The following PTGER3 variants were observed in gnomAD, a reference collection of about 807,000 sequenced individuals.
PTGER3 encodes prostaglandin E receptor 3.
Under a neutral mutation model 34.7 loss-of-function variants are expected in PTGER3, and 22 were observed. The observed-to-expected ratio is 0.63, with a 90% CI of 0.45 to 0.91. The LOEUF (loss-of-function observed/expected upper bound fraction) is 0.91. Ranked by LOEUF, PTGER3 falls within the 40% of genes least tolerant of loss-of-function variation. PTGER3 has a pLI of 0.00. For missense variants in PTGER3, 468 were observed against 519.4 expected, an observed-to-expected ratio of 0.90 and a Z score of 0.96; for synonymous variants, 241 against 230.1, an observed-to-expected ratio of 1.05 and a Z score of -0.43.
At chr1:71,000,295 CCA>C (rs1183700820) in intron 2 of PTGER3, among the ~76,000 whole-genome samples, 4 of 152,198 alleles carry the variant, frequency 2.6e-5, no homozygotes, top group Non-Finnish European at 4.4e-5. Context: ...TCCACAAACC[CCA>C]GTTTCCTTAT....
chr1:71,015,495 T>C (rs1014435994), intron 1 of PTGER3, among the ~76,000 whole-genome samples: 2 of 152,220 alleles, frequency 1.3e-5, no homozygotes, highest in East Asian at 3.8e-4. Flanking sequence ...GTTGGCAAAA[T>C]TGACTACTAT....
At chr1:70,917,913 T>C (rs1001708866) in intron 4 of PTGER3, among the ~76,000 whole-genome samples, 4 of 152,110 alleles carry the variant, frequency 2.6e-5, no homozygotes, top group Admixed American at 6.6e-5. Context: ...TCTTTTGCTA[T>C]TGAGTTATTT....
intron 2 of PTGER3, chr1:71,008,111 GT>G: frequency 8.2e-6 from 8 of 980,552 alleles, no homozygotes; most frequent in Non-Finnish European, 9.7e-6. Context: ...AATTATGTCT[GT>G]TACTTTCTTT....
intron 4 of PTGER3, among the ~76,000 whole-genome samples, chr1:70,924,205 G>C (rs1469252336): frequency 6.6e-6 from 1 of 152,146 alleles, no homozygotes; most frequent in Non-Finnish European, 1.5e-5. Context: ...CTATGGAACA[G>C]AGTTCCATTG....
intron 4 of PTGER3, chr1:70,865,690 A>G: frequency 7.3e-7 from 1 of 1,366,356 alleles, no homozygotes; most frequent in Middle Eastern, 2.2e-4. Flanking sequence ...TTTACTTACT[A>G]AGAAGTTTGA....
At chr1:70,970,681 A>G, downstream of PTGER3, 1 of 219,968 alleles carries the variant, frequency 4.5e-6, no homozygotes, top group Non-Finnish European at 7.7e-6. Flanking sequence ...GACAGAAGAA[A>G]GGGAGGAAGA....
intron 4 of PTGER3, among the ~76,000 whole-genome samples, chr1:70,902,149 A>G (rs908122521): frequency 6.6e-6 from 1 of 152,238 alleles, no homozygotes; most frequent in Admixed American, 6.5e-5. Context: ...AAAAATAACA[A>G]TAATTACTGC....
Position 71,047,317 on chromosome 1 carries a change from G to A in PTGER3, c.261C>T (p.Ser87=). The A allele has an allele frequency of 1.2e-6, 2 of 1,606,258 alleles. No homozygotes were observed. The highest frequency in any genetic ancestry group is 2.2e-5 in the South Asian group (2 of 89,508). ...YRRRESKRKK[S]FLLCIGWLAL... ...CCAGCCAGCCGATGCACAGCAGGAA[G>A]GACTTCTTGCGCTTGCTCTCCCGGC... The change falls in exon 1 of 4, where the codon TCC becomes TCT. Residue 87 remains serine, a synonymous_variant. Transcript: ENST00000306666.
chr1:70,933,866 A>G (rs1254983572), intron 4 of PTGER3, among the ~76,000 whole-genome samples: 1 of 152,112 alleles, frequency 6.6e-6, no homozygotes, highest in Non-Finnish European at 1.5e-5. Flanking sequence ...TTAATTTACT[A>G]CCCTGTCCCC....
At chr1:70,859,995 A>G (rs1223297778) in intron 4 of PTGER3, among the ~76,000 whole-genome samples, 1 of 151,504 alleles carries the variant, frequency 6.6e-6, no homozygotes. Context: ...TGTGACCTAG[A>G]CTATGCGTTT....
chr1:70,902,903 C>T lies in PTGER3; in HGVS notation c.*24-50044G>A, dbSNP rs72932195. ...ATACCTGTAGCGGGTTGAATGCTGG[C>T]CCCCCAAAAGATATGCCTCATGTCC... On this transcript the variant is annotated intron_variant, in intron 4 of 4. Transcript: ENST00000370931. 6.5e-3 allele frequency among the ~76,000 whole-genome samples: 996 copies of T among 152,190 alleles called. 9 individuals carry two copies. Among genetic ancestry groups the T allele is most frequent in the African/African-American group, 0.023 (949 of 41,526 alleles).
At chr1:71,016,417 A>G (rs918734713) in intron 1 of PTGER3, among the ~76,000 whole-genome samples, 12 of 152,206 alleles carry the variant, frequency 7.9e-5, no homozygotes, top group African/African-American at 2.2e-4. Flanking sequence ...TTGTTGTTAT[A>G]TTATTTAAAA....
At chr1:70,906,739 C>T (rs1354693481) in intron 4 of PTGER3, among the ~76,000 whole-genome samples, 1 of 152,008 alleles carries the variant, frequency 6.6e-6, no homozygotes, top group East Asian at 1.9e-4. Context: ...CTGTTCATAT[C>T]TAGAAGCCAT....
At chr1:70,980,935 C>G (rs1304716665) in intron 2 of PTGER3, among the ~76,000 whole-genome samples, 1 of 152,014 alleles carries the variant, frequency 6.6e-6, no homozygotes, top group Non-Finnish European at 1.5e-5. Flanking sequence ...TATGACTTTG[C>G]CAGTCAAGGA....
intron 1 of PTGER3, among the ~76,000 whole-genome samples, chr1:71,034,585 A>G (rs573477936): frequency 2.8e-4 from 42 of 152,240 alleles, no homozygotes; most frequent in Non-Finnish European, 5.3e-4. Context: ...CCTCTTTGTG[A>G]TAAAACATAA....
chr1:70,856,583 G>A (rs555116815), intron 4 of PTGER3, among the ~76,000 whole-genome samples: 6 of 152,180 alleles, frequency 3.9e-5, no homozygotes, highest in African/African-American at 1.4e-4. Flanking sequence ...AATTTGCTCT[G>A]TAATTTTATA....
intron 4 of PTGER3, among the ~76,000 whole-genome samples, chr1:70,874,215 A>G (rs1646225264): frequency 6.6e-6 from 1 of 152,228 alleles, no homozygotes; most frequent in Admixed American, 6.5e-5. Context: ...TGCAGCAAGC[A>G]GAGCTCAGTG....
At chr1:70,953,040 T>C (rs1040926907) in exon 4 of PTGER3, 1 of 1,602,466 alleles carries the variant, frequency 6.2e-7, no homozygotes, top group East Asian at 2.2e-5. Flanking sequence ...TATCTGAGAG[T>C]TCTGCAAACT....
At chr1:70,945,511 T>G (rs1372129125) in intron 4 of PTGER3, among the ~76,000 whole-genome samples, 1 of 152,122 alleles carries the variant, frequency 6.6e-6, no homozygotes, top group Non-Finnish European at 1.5e-5. Flanking sequence ...TAACAGATCT[T>G]ATACAACCTA....
Sources: allele counts gnomAD v4.1 joint callset (sites outside exome capture counted in the v4.1 genomes callset), GRCh38; gene constraint gnomAD v4.1.1; transcripts MANE v1.5; gene names NCBI Gene and HGNC (gene_info 2026-07-23, HGNC 2026-07-21).